Variants in MYO9A observed in about 807,000 individuals in gnomAD.
MYO9A encodes the protein unconventional myosin-IXa.
MYO9A carries 103 observed loss-of-function variants against 293.3 expected under a neutral mutation model. The ratio of observed to expected loss-of-function variants is 0.35; its 90% CI spans 0.30 to 0.41. MYO9A has a LOEUF of 0.41. Ranked by LOEUF, MYO9A falls within the 10% of genes least tolerant of loss-of-function variation. The probability of loss-of-function intolerance (pLI) is 1.00; values close to 1 mark genes in which losing one functional copy is unlikely to be tolerated. For synonymous variants in MYO9A, 1,001 were observed against 1,035.7 expected, an observed-to-expected ratio of 0.97 and a Z score of 0.64; for missense variants, 2,685 against 3,033.0, an observed-to-expected ratio of 0.89 and a Z score of 2.69.
intron 41 of MYO9A, 57 bp from the exon 42 acceptor site, chr15:71,827,100 C>T: frequency 7.7e-7 from 1 of 1,303,234 alleles, no homozygotes; most frequent in Middle Eastern, 1.9e-4. Context: ...AGCAAATCAT[C>T]ATATAATGAA....
chr15:72,046,166 C>T lies in MYO9A; in HGVS notation c.398G>A (p.Arg133Lys), dbSNP rs148320227. 1 of 1,614,142 alleles carries T rather than the reference C, an allele frequency of 6.2e-7. No homozygotes were observed. ...TGGAAGAAAACCCCGTTCCATCATC[C>T]TGCGACGTTCTTCTGTTACCCGTAG... is the stretch of plus-strand genomic sequence containing the variant. The part of the protein sequence containing the change: ...SWLRVTEERR[R>K]MMERGFLPQP... The change falls in exon 2 of 42, where the codon AGG (arginine) becomes AAG (lysine). Residue 133 changes from arginine (R) to lysine (K), a missense_variant. Transcript: ENST00000356056.
intron 26 of MYO9A, chr15:71,889,441 A>G (rs899718048): frequency 3.4e-5 from 5 of 145,602 alleles, no homozygotes; most frequent in Non-Finnish European, 6.0e-5. Flanking sequence ...GGGTCTAACA[A>G]ACCTTTTTTT....
chr15:71,873,851 A>G (rs903981291), intron 32 of MYO9A, among the ~76,000 whole-genome samples: 6 of 152,158 alleles, frequency 3.9e-5, no homozygotes, highest in Non-Finnish European at 7.3e-5. Context: ...TTAAGGCTTA[A>G]AGTATATAAA....
chr15:71,835,039 C>A (rs2054883990), intron 39 of MYO9A, among the ~76,000 whole-genome samples: 3 of 151,860 alleles, frequency 2.0e-5, no homozygotes, highest in Admixed American at 2.0e-4. Flanking sequence ...CATATCAATG[C>A]AATAAAAAAG....
intron 15 of MYO9A, among the ~76,000 whole-genome samples, chr15:71,943,821 CTTTAGAGATTCAT>C (rs1273976971): frequency 1.3e-5 from 2 of 152,056 alleles, no homozygotes; most frequent in African/African-American, 4.8e-5. Context: ...TAGCATACCA[CTTTAGAGATTCAT>C]ACGTAAAAGT....
chr15:72,050,273 G>A (rs2078516589), intron 1 of MYO9A, among the ~76,000 whole-genome samples: 1 of 151,924 alleles, frequency 6.6e-6, no homozygotes, highest in African/African-American at 2.4e-5. Flanking sequence ...GCAAATCCGA[G>A]ACATGAGCTT....
At chr15:72,019,713 C>G (rs562283204) in intron 5 of MYO9A, among the ~76,000 whole-genome samples, 1 of 152,224 alleles carries the variant, frequency 6.6e-6, no homozygotes, top group Non-Finnish European at 1.5e-5. Context: ...TAATACAACA[C>G]ACTGTATTAA....
At chr15:72,092,949 T>C (rs919427741) in intron 1 of MYO9A, among the ~76,000 whole-genome samples, 2 of 148,600 alleles carry the variant, frequency 1.3e-5, no homozygotes, top group Admixed American at 1.3e-4. Context: ...ACACAGAGAT[T>C]TGAGGCTCTA....
At position 71,957,425 on chromosome 15, in the gene MYO9A, C is replaced by A. The variant is rs181686138; in HGVS notation, c.2182+2476G>T. On this transcript the variant is annotated intron_variant, in intron 14 of 41. Transcript: ENST00000356056. ...CCATTTCACTGATGTCTATCCAAAA[C>A]CCTTATTCTTAATTGCCCTACTATA... is the stretch of plus-strand genomic sequence containing the variant. Among the ~76,000 whole-genome samples, 4 of 152,180 alleles carry A rather than the reference C, an allele frequency of 2.6e-5. No individual in the cohort carries two copies. In the East Asian group the frequency reaches 7.7e-4, roughly 29 times the overall value.
At chr15:72,021,664 T>C (rs1310873999) in intron 4 of MYO9A, among the ~76,000 whole-genome samples, 1 of 152,108 alleles carries the variant, frequency 6.6e-6, no homozygotes, top group Non-Finnish European at 1.5e-5. Context: ...ACTGAGGCAA[T>C]CGCTGAACAG....
chr15:71,998,810 T>C (rs2076781952), intron 9 of MYO9A, among the ~76,000 whole-genome samples: 1 of 152,082 alleles, frequency 6.6e-6, no homozygotes, highest in Non-Finnish European at 1.5e-5. Context: ...TTCCCATCTA[T>C]GAGTGAGAAC....
chr15:71,863,696 C>CGT (rs2056227242), intron 32 of MYO9A, among the ~76,000 whole-genome samples: 1 of 151,936 alleles, frequency 6.6e-6, no homozygotes, highest in African/African-American at 2.4e-5. Flanking sequence ...GTATGTGGTA[C>CGT]AAGTGTAATT....
rs1429673273 is a variant in MYO9A, at chr15:72,117,745, C to G, written c.-137G>C. ...TCGACGGAAGCTGCCTTCCACCCTCCGCCCCAGGGTAGGACCGGAGATGGC... is the reference window on the plus strand; with the variant it reads ...TCGACGGAAGCTGCCTTCCACCCTCGGCCCCAGGGTAGGACCGGAGATGGC... On this transcript the variant is annotated 5_prime_UTR_variant, in exon 1 of 42. Coordinates refer to ENST00000356056, the MANE Select transcript of MYO9A (RefSeq NM_006901.4). 2.5e-6 allele frequency: 1 copy of G among 397,818 alleles called. No individual in the cohort carries two copies. The highest frequency in any genetic ancestry group is 2.1e-5 in the African/African-American group (1 of 48,558). The allele number at this position is 397,818 out of a possible 1,614,324, so 24.6% of individuals were successfully genotyped here.
intron 18 of MYO9A, among the ~76,000 whole-genome samples, chr15:71,919,197 G>A (rs186606950): frequency 2.6e-5 from 4 of 152,192 alleles, no homozygotes; most frequent in East Asian, 3.9e-4. Context: ...GCTATAATCC[G>A]AGAACGGCTG....
intron 14 of MYO9A, among the ~76,000 whole-genome samples, chr15:71,958,187 T>C (rs78939083): frequency 6.6e-6 from 1 of 152,192 alleles, no homozygotes; most frequent in Admixed American, 6.5e-5. Context: ...CTGCCTTTCA[T>C]ATTTTCTACT....
At chr15:72,098,833 AAAAC>A (rs1297663768) in intron 1 of MYO9A, among the ~76,000 whole-genome samples, 65 of 152,170 alleles carry the variant, frequency 4.3e-4, no homozygotes, top group African/African-American at 1.5e-3. Context: ...AAAACAAAAC[AAAAC>A]AAACTGCTGT....
intron 23 of MYO9A, among the ~76,000 whole-genome samples, 181 bp from the exon 24 acceptor site, chr15:71,900,187 C>G (rs1323519930): frequency 6.6e-6 from 1 of 152,144 alleles, no homozygotes; most frequent in Non-Finnish European, 1.5e-5. Flanking sequence ...GTAATCCCAG[C>G]ACTTTTGGAG....
intron 13 of MYO9A, among the ~76,000 whole-genome samples, chr15:71,962,773 C>A (rs769070159): frequency 1.3e-5 from 2 of 152,152 alleles, no homozygotes; most frequent in African/African-American, 4.8e-5. Flanking sequence ...CACCAGTCTG[C>A]CCTACTCCTA....
At chr15:71,833,179 GCTC>G (rs1254518153) in intron 39 of MYO9A, among the ~76,000 whole-genome samples, 3 of 151,520 alleles carry the variant, frequency 2.0e-5, no homozygotes, top group Admixed American at 1.3e-4. Context: ...TAGATGAAAT[GCTC>G]CTATTAAAAT....
Sources: allele counts gnomAD v4.1 joint callset (sites outside exome capture counted in the v4.1 genomes callset), GRCh38; gene constraint gnomAD v4.1.1; transcripts MANE v1.5; gene names NCBI Gene and HGNC (gene_info 2026-07-23, HGNC 2026-07-21).